PARM1: variants seen among roughly 807,000 people sequenced by gnomAD.
PARM1 encodes the protein prostate androgen-regulated mucin-like protein 1, also known as WSC4, cell wall integrity and stress response component 4 homolog.
PARM1 carries 14 observed loss-of-function variants against 24.6 expected under a neutral mutation model. That is an observed-to-expected ratio of 0.57 (90% CI 0.38 to 0.89). PARM1 has a LOEUF of 0.89. Among genes scored for constraint, PARM1 ranks in the 40% least tolerant of loss-of-function variants. The pLI, the probability that PARM1 is intolerant of heterozygous loss-of-function variation, is 0.00. For synonymous variants in PARM1, 179 were observed against 156.6 expected (o/e 1.14, Z -1.07); for missense variants, 362 against 380.4 (o/e 0.95, Z 0.40).
intron 1 of PARM1, among the ~76,000 whole-genome samples, chr4:74,984,185 G>A (rs1391571572): frequency 6.6e-6 from 1 of 152,276 alleles, no homozygotes; most frequent in African/African-American, 2.4e-5. Flanking sequence ...ATCAGTAAAG[G>A]AAACTGCATG....
intron 2 of PARM1, among the ~76,000 whole-genome samples, chr4:75,025,847 A>C (rs1723173880): frequency 1.3e-5 from 2 of 152,212 alleles, no homozygotes; most frequent in Non-Finnish European, 2.9e-5. Flanking sequence ...GTGGAAACAT[A>C]TAGATGTTGG....
chr4:75,047,132 T>A lies in PARM1; in HGVS notation c.*885T>A, dbSNP rs1723619606. ...AGGAGGCTAACCTGCACTGAGTACT[T>A]CATTAGGACAAGTGAGAATCAGCTA... On this transcript the variant is annotated 3_prime_UTR_variant, in exon 4 of 4. Coordinates refer to ENST00000307428, the MANE Select transcript of PARM1 (RefSeq NM_015393.4). 6.6e-6 allele frequency: 1 copy of A among 152,484 alleles called. No individual in the cohort carries two copies. Among genetic ancestry groups the A allele is most frequent in the Non-Finnish European group, 1.5e-5 (1 of 68,246 alleles). The allele number at this position is 152,484 out of a possible 1,614,324, so 9.4% of individuals were successfully genotyped here. A position where few individuals can be genotyped will look rare whatever the true frequency, so the allele number is the denominator to read the frequency against.
At chr4:75,004,574 A>T (rs1722737530) in intron 1 of PARM1, among the ~76,000 whole-genome samples, 1 of 152,146 alleles carries the variant, frequency 6.6e-6, no homozygotes, top group Admixed American at 6.5e-5. Flanking sequence ...GCTTACAGGG[A>T]TTCAGACTGA....
chr4:75,008,701 T>C (rs954870219), intron 1 of PARM1, among the ~76,000 whole-genome samples: 2 of 152,230 alleles, frequency 1.3e-5, no homozygotes, highest in African/African-American at 4.8e-5. Flanking sequence ...ATAGCACTTA[T>C]CATCTCATAT....
chr4:74,976,165 G>A (rs1289716619), intron 1 of PARM1, among the ~76,000 whole-genome samples: 1 of 152,174 alleles, frequency 6.6e-6, no homozygotes, highest in Admixed American at 6.5e-5. Context: ...TGCTTGAGTT[G>A]TAGCCAGCGG....
intron 1 of PARM1, among the ~76,000 whole-genome samples, chr4:74,947,219 A>T (rs1380035035): frequency 2.0e-5 from 3 of 152,252 alleles, no homozygotes; most frequent in African/African-American, 7.2e-5. Context: ...TCAAGTTTCT[A>T]ATTCCAACAA....
At chr4:74,975,207 T>C (rs1203038838) in intron 1 of PARM1, among the ~76,000 whole-genome samples, 2 of 152,246 alleles carry the variant, frequency 1.3e-5, no homozygotes, top group Admixed American at 6.5e-5. Context: ...CACATTCTAA[T>C]GTATCACTCT....
chr4:74,961,144 G>T (rs779485672), intron 1 of PARM1, among the ~76,000 whole-genome samples: 2 of 152,110 alleles, frequency 1.3e-5, no homozygotes, highest in South Asian at 2.1e-4. Flanking sequence ...GAGCTGTGAA[G>T]TATAATAACT....
intron 2 of PARM1, among the ~76,000 whole-genome samples, chr4:75,019,648 CCTT>C (rs1325027720): frequency 6.6e-6 from 1 of 152,130 alleles, no homozygotes; most frequent in African/African-American, 2.4e-5. Context: ...CACCCATAAA[CCTT>C]AGATTTGAAA....
intron 1 of PARM1, among the ~76,000 whole-genome samples, chr4:74,990,351 G>A (rs1213939148): frequency 1.3e-5 from 2 of 152,142 alleles, no homozygotes; most frequent in Non-Finnish European, 2.9e-5. Context: ...CTATTAGATA[G>A]TAATCTCATG....
At chr4:74,997,931 G>T (rs1032281367) in intron 1 of PARM1, 1 of 152,218 alleles carries the variant, frequency 6.6e-6, no homozygotes, top group East Asian at 1.9e-4. Flanking sequence ...ATTATTCTTT[G>T]AGTTGAGCTT....
intron 1 of PARM1, among the ~76,000 whole-genome samples, chr4:74,968,502 A>G (rs1225899571): frequency 1.3e-5 from 2 of 152,202 alleles, no homozygotes; most frequent in African/African-American, 2.4e-5. Context: ...AAATTTTTAC[A>G]TGTCACACCC....
intron 2 of PARM1, among the ~76,000 whole-genome samples, chr4:75,033,286 A>G (rs1456032276): frequency 5.3e-5 from 8 of 152,166 alleles, no homozygotes; most frequent in Non-Finnish European, 1.2e-4. Flanking sequence ...AACTGAACAT[A>G]TTTCCCACAG....
intron 1 of PARM1, among the ~76,000 whole-genome samples, chr4:74,942,041 T>C (rs893005603): frequency 1.4e-4 from 21 of 152,230 alleles, no homozygotes; most frequent in African/African-American, 5.1e-4. Context: ...TTTCCTTCCT[T>C]GTAGGGTTAT....
intron 1 of PARM1, among the ~76,000 whole-genome samples, chr4:74,969,251 C>T (rs960075620): frequency 3.9e-5 from 6 of 152,088 alleles, no homozygotes; most frequent in Admixed American, 1.3e-4. Context: ...GTTGAGGGGG[C>T]GGCTGTCTAA....
At chr4:74,993,144 T>C (rs945895267) in intron 1 of PARM1, among the ~76,000 whole-genome samples, 8 of 152,224 alleles carry the variant, frequency 5.3e-5, no homozygotes, top group African/African-American at 1.9e-4. Flanking sequence ...TGACTTTCAT[T>C]TTGCTTAAAC....
At chr4:74,958,357 T>C (rs1459301885) in intron 1 of PARM1, among the ~76,000 whole-genome samples, 2 of 152,166 alleles carry the variant, frequency 1.3e-5, no homozygotes, top group Admixed American at 1.3e-4. Context: ...GTACTGAGAC[T>C]ATAAGGCAGC....
Position 75,009,570 on chromosome 4 carries a change from GATCTTTAAGCAAGA to G in PARM1, c.44-2849_44-2836del, listed in dbSNP as rs138134514. ...TGTTGGAATTAAAATGAGTGAAGCT[GATCTTTAAGCAAGA>G]ATCTTGCCCTCAAATAATACCAGGT... On this transcript the variant is annotated intron_variant, in intron 1 of 3. Coordinates refer to ENST00000307428, the MANE Select transcript of PARM1 (RefSeq NM_015393.4). 2.9e-3 allele frequency among the ~76,000 whole-genome samples: 448 copies of G among 152,318 alleles called. 3 individuals carry two copies. Among genetic ancestry groups the G allele is most frequent in the African/African-American group, 9.8e-3 (409 of 41,558 alleles).
chr4:75,033,321 T>C (rs1723305598), intron 2 of PARM1, among the ~76,000 whole-genome samples: 1 of 152,238 alleles, frequency 6.6e-6, no homozygotes, highest in African/African-American at 2.4e-5. Flanking sequence ...ATGCTTTCAC[T>C]TGATTGCCTC....
Sources: allele counts gnomAD v4.1 joint callset (sites outside exome capture counted in the v4.1 genomes callset), GRCh38; gene constraint gnomAD v4.1.1; transcripts MANE v1.5; gene names NCBI Gene and HGNC (gene_info 2026-07-23, HGNC 2026-07-21).